The following RFC3 variants were observed in gnomAD, a reference collection of about 807,000 sequenced individuals.
RFC3 encodes A1 38 kDa subunit.
RFC3 carries 41 observed loss-of-function variants against 45.1 expected under a neutral mutation model. The observed-to-expected ratio is 0.91, with a 90% CI of 0.71 to 1.18. The LOEUF is 1.18. Ranked by LOEUF, RFC3 falls within the 50% of genes most tolerant of loss-of-function variation. The pLI is 0.00. For missense variants in RFC3, 423 were observed against 428.1 expected, an observed-to-expected ratio of 0.99 and a Z score of 0.10; for synonymous variants, 149 against 144.0, an observed-to-expected ratio of 1.03 and a Z score of -0.25.
At chr13:33,851,725 G>C (rs2082277873) in intron 8 of RFC3, among the ~76,000 whole-genome samples, 1 of 152,078 alleles carries the variant, frequency 6.6e-6, no homozygotes, top group Admixed American at 6.6e-5. Context: ...CATCTAAACA[G>C]TGACTATTTT....
At chr13:33,947,786 C>T (rs1023127744) in intron 8 of RFC3, among the ~76,000 whole-genome samples, 2 of 152,088 alleles carry the variant, frequency 1.3e-5, no homozygotes, top group African/African-American at 2.4e-5. Context: ...ATAGGTGACT[C>T]GTGCTATGCT....
chr13:33,859,766 G>C (rs989509214), intron 8 of RFC3, among the ~76,000 whole-genome samples: 1 of 152,132 alleles, frequency 6.6e-6, no homozygotes, highest in Non-Finnish European at 1.5e-5. Flanking sequence ...ACTCACTTCT[G>C]TCTGGGCATG....
At chr13:33,839,610 T>A (rs1261969109), downstream of RFC3, among the ~76,000 whole-genome samples, 6 of 152,204 alleles carry the variant, frequency 3.9e-5, no homozygotes, top group Non-Finnish European at 5.9e-5. Flanking sequence ...TTTGACAATT[T>A]TGTTCACTTC....
chr13:33,925,623 C>A (rs2082805984), intron 8 of RFC3, among the ~76,000 whole-genome samples: 1 of 149,334 alleles, frequency 6.7e-6, no homozygotes, highest in East Asian at 2.0e-4. Flanking sequence ...GTACTATATA[C>A]ATACATATAT....
chr13:33,836,000 T>G, intron 8 of RFC3, 104 bp from the exon 9 acceptor site: 5 of 1,187,952 alleles, frequency 4.2e-6, no homozygotes, highest in Non-Finnish European at 5.8e-6. Context: ...CTCACACATA[T>G]AAAGAGAGTA....
At chr13:33,836,035 A>G in intron 8 of RFC3, 69 bp from the exon 9 acceptor site, 2 of 1,444,292 alleles carry the variant, frequency 1.4e-6, no homozygotes, top group South Asian at 1.3e-5. Flanking sequence ...CTTTTTGTGA[A>G]TGGGAGAAAT....
At chr13:33,933,164 TGTGGTC>T (rs1165595753) in intron 8 of RFC3, among the ~76,000 whole-genome samples, 1 of 152,166 alleles carries the variant, frequency 6.6e-6, no homozygotes, top group Non-Finnish European at 1.5e-5. Flanking sequence ...TCTTCAGATC[TGTGGTC>T]GTCTTTCTTT....
chr13:33,953,781 A>C (rs924165336), intron 8 of RFC3, among the ~76,000 whole-genome samples: 4 of 152,110 alleles, frequency 2.6e-5, no homozygotes, highest in African/African-American at 7.2e-5. Flanking sequence ...TAGTCTGTTC[A>C]TTTTTTGCTT....
intron 8 of RFC3, among the ~76,000 whole-genome samples, chr13:33,893,866 G>T (rs557902732): frequency 1.4e-4 from 22 of 152,066 alleles, no homozygotes; most frequent in African/African-American, 4.8e-4. Flanking sequence ...ACCATCTACA[G>T]GATATAGAAA....
intron 8 of RFC3, among the ~76,000 whole-genome samples, chr13:33,902,138 G>A (rs1302419844): frequency 6.6e-6 from 1 of 152,066 alleles, no homozygotes; most frequent in Non-Finnish European, 1.5e-5. Context: ...AGGGTGACGT[G>A]GGTGAAGAAA....
At chr13:33,873,620 A>C (rs1313232480) in intron 8 of RFC3, among the ~76,000 whole-genome samples, 3 of 152,174 alleles carry the variant, frequency 2.0e-5, no homozygotes, top group Non-Finnish European at 2.9e-5. Context: ...GAAAGCAGGC[A>C]CTCTAGATTC....
Position 33,828,718 on chromosome 13 carries a change from G to A in RFC3, c.392-1118G>A, listed in dbSNP as rs550424933. Among the ~76,000 whole-genome samples, 3 of 152,200 alleles carry A rather than the reference G, an allele frequency of 2.0e-5. No homozygotes were observed. The South Asian group carries it at 6.2e-4, about 32-fold the overall frequency. On this transcript the variant is annotated intron_variant, in intron 4 of 8. Coordinates refer to ENST00000380071, the MANE Select transcript of RFC3 (RefSeq NM_002915.4). Reference sequence around the variant, plus strand: ...TGTTTTGTATTTTTGTAGACATGGGGTTTTGCTATGTTGCCCAGGCTAGTG... The same window carrying A: ...TGTTTTGTATTTTTGTAGACATGGGATTTTGCTATGTTGCCCAGGCTAGTG...
At chr13:33,962,587 G>A (rs1478036798) in intron 8 of RFC3, among the ~76,000 whole-genome samples, 1 of 152,150 alleles carries the variant, frequency 6.6e-6, no homozygotes, top group Non-Finnish European at 1.5e-5. Context: ...TATGTTCACT[G>A]ATGTGCATTA....
At chr13:33,934,659 A>G (rs1257129384) in intron 8 of RFC3, among the ~76,000 whole-genome samples, 1 of 152,128 alleles carries the variant, frequency 6.6e-6, no homozygotes, top group Non-Finnish European at 1.5e-5. Context: ...TGGACTCGGC[A>G]GCCACCAGTC....
chr13:33,872,017 A>C (rs1358595032), intron 8 of RFC3, among the ~76,000 whole-genome samples: 1 of 152,206 alleles, frequency 6.6e-6, no homozygotes, highest in Non-Finnish European at 1.5e-5. Flanking sequence ...TCATTTTATT[A>C]ACGTTCAGAC....
chr13:33,845,680 TG>T (rs2082232219), intron 8 of RFC3, among the ~76,000 whole-genome samples: 1 of 152,206 alleles, frequency 6.6e-6, no homozygotes, highest in Non-Finnish European at 1.5e-5. Context: ...TGCTTCTCTA[TG>T]TTATCTTGAA....
chr13:33,902,806 C>A (rs923132803), intron 8 of RFC3, among the ~76,000 whole-genome samples: 1 of 151,990 alleles, frequency 6.6e-6, no homozygotes, highest in Non-Finnish European at 1.5e-5. Flanking sequence ...TAGATCCTGT[C>A]ATTCCCTTGC....
chr13:33,836,325 T>G lies in RFC3; in HGVS notation c.*30T>G, dbSNP rs757707789. The G allele has an allele frequency of 1.2e-6, 2 of 1,608,544 alleles. No individual in the cohort carries two copies. Among genetic ancestry groups the G allele is most frequent in the Non-Finnish European group, 1.7e-6 (2 of 1,175,952 alleles). On this transcript the variant is annotated 3_prime_UTR_variant, in exon 9 of 9. Transcript: ENST00000380071. The stretch of plus-strand genomic sequence containing the variant: ...TGTCAGTTATTCTTGCAAAGATTTC[T>G]CAGTATCAGTATTTACATACAGCTT...
chr13:33,869,022 G>A (rs2082391200), intron 8 of RFC3, among the ~76,000 whole-genome samples: 1 of 152,194 alleles, frequency 6.6e-6, no homozygotes, highest in Non-Finnish European at 1.5e-5. Flanking sequence ...CAAGGGCAGT[G>A]GCTAGTGTCA....
Sources: allele counts gnomAD v4.1 joint callset (sites outside exome capture counted in the v4.1 genomes callset), GRCh38; gene constraint gnomAD v4.1.1; transcripts MANE v1.5; gene names NCBI Gene and HGNC (gene_info 2026-07-23, HGNC 2026-07-21).